Variants in DNER observed in about 807,000 individuals in gnomAD.
DNER encodes the protein delta/notch like EGF repeat containing, also known as delta and Notch-like epidermal growth factor-related receptor.
Under a neutral mutation model 78.2 loss-of-function variants are expected in DNER, and 33 were observed. That is an observed-to-expected ratio of 0.42 (90% CI 0.32 to 0.56). DNER has a LOEUF of 0.56. DNER is among the 20% of genes least tolerant of loss of function. DNER has a pLI of 0.11. For synonymous variants in DNER, 417 were observed against 384.8 expected (o/e 1.08, Z -0.98); for missense variants, 918 against 975.3 (o/e 0.94, Z 0.78).
At chr2:229,671,744 G>T (rs531389888) in intron 1 of DNER, among the ~76,000 whole-genome samples, 26 of 152,324 alleles carry the variant, frequency 1.7e-4, no homozygotes, top group African/African-American at 5.5e-4. Flanking sequence ...CTGGGACCAA[G>T]CTGTCGGGTT....
chr2:229,456,722 C>T (rs1457709291), intron 7 of DNER, among the ~76,000 whole-genome samples: 1 of 152,018 alleles, frequency 6.6e-6, no homozygotes, highest in Admixed American at 6.6e-5. Context: ...TGCTCTTTCA[C>T]TATTTTCCCC....
At chr2:229,507,824 A>C (rs2154212165) in intron 6 of DNER, among the ~76,000 whole-genome samples, 1 of 152,374 alleles carries the variant, frequency 6.6e-6, no homozygotes, top group South Asian at 2.1e-4. Flanking sequence ...AATATCCTTT[A>C]GATCTTCATG....
At chr2:229,549,957 G>A (rs1696699702) in intron 4 of DNER, among the ~76,000 whole-genome samples, 1 of 151,750 alleles carries the variant, frequency 6.6e-6, no homozygotes, top group African/African-American at 2.4e-5. Flanking sequence ...ATTAAATCTT[G>A]TGTACAATGA....
intron 12 of DNER, among the ~76,000 whole-genome samples, chr2:229,361,054 C>A (rs373870778): frequency 1.3e-5 from 2 of 152,082 alleles, no homozygotes; most frequent in Non-Finnish European, 2.9e-5. Context: ...CTGTATCTAC[C>A]ATATGGAAGC....
intron 1 of DNER, among the ~76,000 whole-genome samples, chr2:229,621,551 T>G (rs1415226686): frequency 6.6e-6 from 1 of 150,698 alleles, no homozygotes; most frequent in African/African-American, 2.4e-5. Flanking sequence ...GGCCTCACCC[T>G]CACTCCTTGC....
chr2:229,518,852 A>C (rs1049486508), intron 5 of DNER, among the ~76,000 whole-genome samples: 2 of 152,144 alleles, frequency 1.3e-5, no homozygotes, highest in African/African-American at 4.8e-5. Context: ...ACCATTTACG[A>C]ACTCTTACCC....
In DNER at chr2:229,591,549, T is replaced by C; in HGVS notation, c.585+31A>G. ...TCACTTTAAGATTTCTGGTTTCTAA[T>C]GTAAAAATGCACATGATATAACGTT... is the stretch of plus-strand genomic sequence containing the variant. On this transcript the variant is annotated intron_variant, in intron 2 of 12. Coordinates refer to ENST00000341772, the MANE Select transcript of DNER (RefSeq NM_139072.4). The surrounding 1 kb of genome is among the most constrained non-coding windows in gnomAD (Gnocchi z 4.6). The C allele has an allele frequency of 2.5e-6, 4 of 1,575,216 alleles. 1 individual carries two copies. The highest frequency in any genetic ancestry group is 1.2e-5 in the South Asian group (1 of 84,866).
intron 4 of DNER, among the ~76,000 whole-genome samples, chr2:229,573,166 T>C (rs1299481678): frequency 6.6e-6 from 1 of 152,194 alleles, no homozygotes. Flanking sequence ...AAGGAGATTA[T>C]CCATTTGTCT....
chr2:229,621,199 G>A (rs942747202), intron 1 of DNER, among the ~76,000 whole-genome samples: 4 of 152,244 alleles, frequency 2.6e-5, no homozygotes, highest in East Asian at 3.9e-4. Context: ...ACATGAGTAC[G>A]CCTACCATCA....
chr2:229,542,775 CA>C (rs56738752), intron 5 of DNER, among the ~76,000 whole-genome samples: 61,388 of 87,910 alleles, frequency 0.7, 19,839 homozygotes, highest in South Asian at 0.75. Flanking sequence ...CCCAAGTAGG[CA>C]AAAAAAAAAA....
intron 1 of DNER, among the ~76,000 whole-genome samples, chr2:229,628,581 T>G (rs1246718979): frequency 6.6e-6 from 1 of 152,192 alleles, no homozygotes; most frequent in East Asian, 1.9e-4. Context: ...TAACCAGAGC[T>G]GCTCTGACGC....
At chr2:229,500,074 C>T (rs1043886322) in intron 6 of DNER, among the ~76,000 whole-genome samples, 1 of 152,104 alleles carries the variant, frequency 6.6e-6, no homozygotes, top group Non-Finnish European at 1.5e-5. Context: ...GCTGGGACTA[C>T]AGGCACTTGC....
intron 9 of DNER, among the ~76,000 whole-genome samples, chr2:229,410,819 T>C (rs1693495892): frequency 6.6e-6 from 1 of 152,216 alleles, no homozygotes; most frequent in African/African-American, 2.4e-5. Flanking sequence ...AATTAATATT[T>C]GAAAAATGAA....
rs192485125 is a variant in DNER at position 229,381,188 on chromosome 2, C to T, written c.1855+7077G>A. ...ACAAGGGGTCAAGAAACTCCCTCCC[C>T]TAGCCAAGGGAAGCCATGAGGGACT... On this transcript the variant is annotated intron_variant, in intron 11 of 12. Transcript: ENST00000341772. Among the ~76,000 whole-genome samples, 451 of 152,172 alleles carry T rather than the reference C, an allele frequency of 3.0e-3. 1 individual carries two copies. Among genetic ancestry groups the T allele is most frequent in the Non-Finnish European group, 5.4e-3 (367 of 68,010 alleles).
chr2:229,580,433 T>C (rs1260515669), intron 4 of DNER: 1 of 152,210 alleles, frequency 6.6e-6, no homozygotes, highest in African/African-American at 2.4e-5. Flanking sequence ...TGTTATAAGT[T>C]AGACATTTTA....
chr2:229,631,291 CT>C (rs1004951243), intron 1 of DNER, among the ~76,000 whole-genome samples: 3 of 151,822 alleles, frequency 2.0e-5, no homozygotes, highest in Non-Finnish European at 4.4e-5. Flanking sequence ...ACGCATGGGG[CT>C]TGCCCCAGGT....
At position 229,479,729 on chromosome 2, in the gene DNER, A is replaced by C. The variant is rs573767195; in HGVS notation, c.1148-2476T>G. Among the ~76,000 whole-genome samples, 6 of 117,050 alleles carry C rather than the reference A, an allele frequency of 5.1e-5. No individual in the cohort carries two copies. In the South Asian group the frequency reaches 1.6e-3, roughly 31 times the overall value. 76.8% of individuals were successfully genotyped at this position (117,050 alleles called of 152,430 possible). Reference sequence around the variant, plus strand: ...CTTTGTCTCAAAAAAAAAAAAAAAAAAACAAAAAACCATAAATATAAATAT... The same window carrying C: ...CTTTGTCTCAAAAAAAAAAAAAAAACAACAAAAAACCATAAATATAAATAT... On this transcript the variant is annotated intron_variant, in intron 6 of 12. Transcript: ENST00000341772.
At chr2:229,405,095 TA>T (rs1693352413) in intron 10 of DNER, among the ~76,000 whole-genome samples, 2 of 152,080 alleles carry the variant, frequency 1.3e-5, no homozygotes, top group African/African-American at 4.8e-5. Context: ...AATGGTCTCA[TA>T]AAAAATCAGA....
chr2:229,588,663 G>A (rs1398272600), intron 2 of DNER, among the ~76,000 whole-genome samples, 175 bp from the exon 3 acceptor site: 1 of 152,186 alleles, frequency 6.6e-6, no homozygotes, highest in Non-Finnish European at 1.5e-5. Context: ...TGAAATCTTT[G>A]TCATTTGATG....
Sources: gnomAD v4.1 joint callset for allele counts (sites outside exome capture counted in the v4.1 genomes callset) on GRCh38, gnomAD v4.1.1 for gene constraint, Gnocchi (gnomAD v3.1) non-coding constraint, MANE v1.5 for transcripts, NCBI Gene and HGNC (gene_info 2026-07-23, HGNC 2026-07-21) for gene names.